The following NBAS variants were observed in gnomAD, a reference collection of about 807,000 sequenced individuals.
NBAS encodes the protein NAG/BC035112 fusion.
NBAS carries 219 observed loss-of-function variants against 302.5 expected under a neutral mutation model. The observed-to-expected ratio is 0.72, with a 90% confidence interval of 0.65 to 0.81. The LOEUF is 0.81. Among genes scored for constraint, NBAS ranks in the 30% least tolerant of loss-of-function variants. The pLI, the probability that NBAS is intolerant of heterozygous loss-of-function variation, is 0.00. For missense variants in NBAS, 2,932 were observed against 2,841.6 expected (o/e 1.03, Z -0.72); for synonymous variants, 1,118 against 1,021.6 (o/e 1.09, Z -1.80).
the NBAS span, among the ~76,000 whole-genome samples, chr2:15,095,607 A>T: frequency 6.6e-6 from 1 of 152,220 alleles, no homozygotes; most frequent in Non-Finnish European, 1.5e-5. Flanking sequence ...CAGCATTTTC[A>T]GCTGTTCAGC....
intron 48 of NBAS, among the ~76,000 whole-genome samples, chr2:15,203,890 T>TTGTGTGTGTGTGTGTGTGTGCTTGTG (rs1666010309): frequency 3.1e-5 from 4 of 129,460 alleles, no homozygotes; most frequent in Non-Finnish European, 5.1e-5. Flanking sequence ...GTGTGTGTGC[T>TTGTGTGTGTGTGTGTGTGTGCTTGTG]TGTGTGTGTG....
chr2:15,529,102 T>C (rs1037164490), intron 9 of NBAS, among the ~76,000 whole-genome samples: 6 of 151,976 alleles, frequency 3.9e-5, no homozygotes, highest in Non-Finnish European at 5.9e-5. Context: ...ATCTTCCTAA[T>C]ACCAACAACT....
the NBAS span, among the ~76,000 whole-genome samples, chr2:15,073,498 A>AAAAG: frequency 2.3e-4 from 32 of 140,812 alleles, no homozygotes; most frequent in African/African-American, 7.1e-4. Context: ...AAAATAAAAA[A>AAAAG]TAAAACAATA....
At chr2:14,788,394 G>A in the NBAS span, among the ~76,000 whole-genome samples, 470 of 152,200 alleles carry the variant, frequency 3.1e-3, 15 homozygotes, top group Admixed American at 0.025. Flanking sequence ...GAGGAGAGGC[G>A]CTCTGCTTTT....
At chr2:14,831,803 C>T in the NBAS span, among the ~76,000 whole-genome samples, 1 of 152,166 alleles carries the variant, frequency 6.6e-6, no homozygotes, top group Non-Finnish European at 1.5e-5. Context: ...ATGCTTATAT[C>T]GTAGGGCTTA....
the NBAS span, among the ~76,000 whole-genome samples, chr2:14,859,621 T>C: frequency 2.6e-5 from 4 of 152,106 alleles, no homozygotes; most frequent in Admixed American, 2.6e-4. Flanking sequence ...CTGGGAAAAC[T>C]GGATATTCAT....
intron 44 of NBAS, among the ~76,000 whole-genome samples, chr2:15,249,417 C>T (rs1440180748): frequency 6.6e-6 from 1 of 152,180 alleles, no homozygotes; most frequent in East Asian, 1.9e-4. Context: ...GACAAGGATG[C>T]CCTCTCTCAC....
chr2:15,261,639 T>C (rs1668857698), intron 44 of NBAS, among the ~76,000 whole-genome samples: 1 of 151,588 alleles, frequency 6.6e-6, no homozygotes, highest in Non-Finnish European at 1.5e-5. Context: ...TACTGCTCAC[T>C]TTCAGCAATG....
intron 48 of NBAS, among the ~76,000 whole-genome samples, chr2:15,204,223 C>A (rs1278872143): frequency 6.6e-6 from 1 of 151,928 alleles, no homozygotes; most frequent in African/African-American, 2.4e-5. Context: ...TGGTCAACTG[C>A]ACTCCAGCCT....
intron 13 of NBAS, among the ~76,000 whole-genome samples, chr2:15,477,029 C>T (rs1461356787): frequency 6.6e-6 from 1 of 152,038 alleles, no homozygotes; most frequent in East Asian, 1.9e-4. Flanking sequence ...TAAGAAATTT[C>T]AAGAAAATGT....
the NBAS span, among the ~76,000 whole-genome samples, chr2:14,835,273 G>C: frequency 1.1e-3 from 163 of 152,022 alleles, no homozygotes; most frequent in African/African-American, 3.8e-3. Flanking sequence ...TAAGTCAGAA[G>C]CTCAGGAAAG....
intron 21 of NBAS, among the ~76,000 whole-genome samples, chr2:15,448,938 C>T (rs1678878158): frequency 6.6e-6 from 1 of 152,054 alleles, no homozygotes; most frequent in Non-Finnish European, 1.5e-5. Context: ...TCAGGCAATA[C>T]AACCATTCAG....
At chr2:14,853,893 A>G in the NBAS span, among the ~76,000 whole-genome samples, 6 of 117,350 alleles carry the variant, frequency 5.1e-5, no homozygotes, top group Non-Finnish European at 8.4e-5. Flanking sequence ...GGACACAGGA[A>G]GGGGAATATC....
the NBAS span, among the ~76,000 whole-genome samples, chr2:14,853,514 C>T: frequency 0.096 from 7,054 of 73,590 alleles, 2,469 homozygotes; most frequent in African/African-American, 0.46. Flanking sequence ...GTCAGTGTGG[C>T]GATTCCTCAG....
the NBAS span, among the ~76,000 whole-genome samples, chr2:15,144,048 A>ATATATATATAT: frequency 4.4e-3 from 503 of 113,788 alleles, 44 homozygotes; most frequent in East Asian, 0.12. Context: ...TATATATAAA[A>ATATATATATAT]ATATATATAT....
At chr2:14,849,570 A>T in the NBAS span, among the ~76,000 whole-genome samples, 2 of 150,388 alleles carry the variant, frequency 1.3e-5, no homozygotes, top group East Asian at 3.9e-4. Flanking sequence ...GATTCAGGAA[A>T]TACAGAGAAT....
chr2:14,923,155 A>G, the NBAS span, among the ~76,000 whole-genome samples: 1 of 152,146 alleles, frequency 6.6e-6, no homozygotes, highest in East Asian at 1.9e-4. Flanking sequence ...CTGTCTCAAA[A>G]AAACAAAAAA....
intron 44 of NBAS, among the ~76,000 whole-genome samples, chr2:15,249,308 C>T (rs1375321153): frequency 3.9e-5 from 6 of 152,052 alleles, no homozygotes; most frequent in Admixed American, 2.6e-4. Context: ...ATTGATGAAA[C>T]GTATCTCAAA....
chr2:15,034,027 G>GAAGAAGAAGAAGAAGAAGAAGAAGA, the NBAS span, among the ~76,000 whole-genome samples: 310 of 63,750 alleles, frequency 4.9e-3, 9 homozygotes, highest in African/African-American at 7.1e-3. Context: ...AGAAGAAGAA[G>GAAGAAGAAGAAGAAGAAGAAGAAGA]AGGAGGAGGA....
Sources: allele counts gnomAD v4.1 joint callset (sites outside exome capture counted in the v4.1 genomes callset), GRCh38; gene constraint gnomAD v4.1.1; transcripts MANE v1.5; gene names NCBI Gene and HGNC (gene_info 2026-07-23, HGNC 2026-07-21).